Variants in PTCHD4 observed in about 807,000 individuals in gnomAD.
PTCHD4 encodes the protein patched domain containing 4.
In PTCHD4, 33 loss-of-function variants were observed where a neutral mutation model predicts 58.1. That is an observed-to-expected ratio of 0.57 (90% confidence interval 0.43 to 0.76). PTCHD4 has a LOEUF of 0.76. Ranked by LOEUF, PTCHD4 falls within the 30% of genes least tolerant of loss-of-function variation. PTCHD4 has a pLI of 0.00. For missense variants in PTCHD4, 1,058 were observed against 1,027.1 expected (o/e 1.03, Z -0.41); for synonymous variants, 478 against 409.6 (o/e 1.17, Z -2.02).
At chr6:47,925,527 A>G (rs1765581959) in intron 4 of PTCHD4, among the ~76,000 whole-genome samples, 1 of 152,168 alleles carries the variant, frequency 6.6e-6, no homozygotes, top group South Asian at 2.1e-4. Context: ...CATGCCATCA[A>G]AGCAAAGAGT....
At chr6:47,883,578 G>A (rs1321235154) in intron 4 of PTCHD4, among the ~76,000 whole-genome samples, 1 of 152,116 alleles carries the variant, frequency 6.6e-6, no homozygotes, top group Non-Finnish European at 1.5e-5. Context: ...TAATTAATAT[G>A]AAATAACTGT....
chr6:48,084,987 C>A (rs145682664), intron 1 of PTCHD4, among the ~76,000 whole-genome samples: 8 of 151,556 alleles, frequency 5.3e-5, no homozygotes. Flanking sequence ...CAGGCTATCC[C>A]CCTGCCTCGG....
rs542638409 is a variant in PTCHD4, at chr6:47,880,398, A to G, written c.899-462T>C. ...AGCTGATTTATATGCTGATTTAGGA[A>G]ATTATAAAAGTATGTTAAACACTTA... On this transcript the variant is annotated intron_variant, in intron 4 of 4. Transcript: ENST00000339488. 5.6e-4 allele frequency among the ~76,000 whole-genome samples: 85 copies of G among 152,268 alleles called. 2 individuals are homozygous for G. In the South Asian group the frequency reaches 0.017, roughly 30 times the overall value.
rs536677188 is a variant in PTCHD4 at position 48,091,942 on chromosome 6, G to A, written c.-970+19107C>T. Among the ~76,000 whole-genome samples, 41 of 151,864 alleles carry A rather than the reference G, an allele frequency of 2.7e-4. No individual in the cohort carries two copies. In the South Asian group the frequency reaches 7.1e-3, roughly 26 times the overall value. ...TAGCATTACAGGCATGAGCCACCAC[G>A]AGAAATTCTATTTTCTAAGATGCCC... On this transcript the variant is annotated intron_variant, in intron 1 of 4. Coordinates refer to ENST00000339488, the MANE Select transcript of PTCHD4 (RefSeq NM_001384253.1).
intron 1 of PTCHD4, among the ~76,000 whole-genome samples, chr6:48,103,037 G>A (rs1329979893): frequency 1.3e-5 from 2 of 152,216 alleles, no homozygotes; most frequent in African/African-American, 4.8e-5. Flanking sequence ...GCAGGGCACA[G>A]ACAAACAAAA....
intron 4 of PTCHD4, among the ~76,000 whole-genome samples, chr6:47,891,775 A>G (rs758067127): frequency 6.6e-6 from 1 of 151,952 alleles, no homozygotes; most frequent in Non-Finnish European, 1.5e-5. Context: ...CCTCATTGTA[A>G]TTAGTCAATA....
rs1214649971 is a variant in PTCHD4 at position 47,861,756 on chromosome 6, T to C, written c.*16547A>G. On this transcript the variant is annotated 3_prime_UTR_variant, in exon 5 of 5. Transcript: ENST00000339488. Reference sequence around the variant, plus strand: ...TGTTTCAGTGAAAGCAAATAGTTACTTTCTTCTTTTTATGAGACATTAAAG... The same window carrying C: ...TGTTTCAGTGAAAGCAAATAGTTACCTTCTTCTTTTTATGAGACATTAAAG... Among the ~76,000 whole-genome samples the C allele has an allele frequency of 6.6e-6, 1 of 151,962 alleles. No individual in the cohort carries two copies. Among genetic ancestry groups the C allele is most frequent in the Non-Finnish European group, 1.5e-5 (1 of 67,900 alleles).
chr6:48,049,096 G>A (rs942981019), intron 3 of PTCHD4, among the ~76,000 whole-genome samples: 5 of 151,972 alleles, frequency 3.3e-5, no homozygotes, highest in Non-Finnish European at 5.9e-5. Context: ...CATAGATCCA[G>A]AGCAGTGGTT....
At chr6:48,005,155 G>C (rs1035223510) in intron 4 of PTCHD4, among the ~76,000 whole-genome samples, 46 of 152,242 alleles carry the variant, frequency 3.0e-4, no homozygotes, top group African/African-American at 1.0e-3. Flanking sequence ...AATATTAAGT[G>C]GATGAATGAC....
chr6:47,887,549 G>A (rs1764230377), intron 4 of PTCHD4, among the ~76,000 whole-genome samples: 1 of 152,134 alleles, frequency 6.6e-6, no homozygotes, highest in Admixed American at 6.5e-5. Flanking sequence ...TGGGAAATTA[G>A]CATATTATTC....
intron 4 of PTCHD4, among the ~76,000 whole-genome samples, chr6:47,946,590 A>G (rs115275005): frequency 0.012 from 1,886 of 152,252 alleles, 35 homozygotes; most frequent in African/African-American, 0.041. Flanking sequence ...TTTAGGATGT[A>G]TATCTTATAA....
intron 4 of PTCHD4, among the ~76,000 whole-genome samples, chr6:47,951,640 T>C (rs1478185347): frequency 6.6e-6 from 1 of 152,166 alleles, no homozygotes; most frequent in Middle Eastern, 3.2e-3. Flanking sequence ...TTTTTGTATT[T>C]GTTTTGGTTC....
At chr6:48,064,616 C>A (rs1452047569) in intron 3 of PTCHD4, among the ~76,000 whole-genome samples, 1 of 151,832 alleles carries the variant, frequency 6.6e-6, no homozygotes, top group African/African-American at 2.4e-5. Flanking sequence ...CTGGAGAATA[C>A]AAAGAATACC....
intron 4 of PTCHD4, among the ~76,000 whole-genome samples, chr6:47,953,449 T>A (rs1285383313): frequency 2.0e-5 from 3 of 152,172 alleles, no homozygotes; most frequent in Non-Finnish European, 2.9e-5. Flanking sequence ...ATAGCTAATA[T>A]CACTCCTGAA....
chr6:47,977,115 T>C (rs1767721348), intron 4 of PTCHD4, among the ~76,000 whole-genome samples: 1 of 152,164 alleles, frequency 6.6e-6, no homozygotes, highest in Non-Finnish European at 1.5e-5. Flanking sequence ...GTGTACTCTG[T>C]TTTACCAATG....
intron 1 of PTCHD4, among the ~76,000 whole-genome samples, chr6:48,080,436 C>A (rs570452819): frequency 1.3e-5 from 2 of 152,272 alleles, no homozygotes; most frequent in East Asian, 1.9e-4. Context: ...TTCTGTGAGA[C>A]CTCATCTTTG....
At chr6:48,029,222 T>G (rs1414278997) in intron 3 of PTCHD4, among the ~76,000 whole-genome samples, 1 of 152,132 alleles carries the variant, frequency 6.6e-6, no homozygotes, top group Non-Finnish European at 1.5e-5. Flanking sequence ...TCACTACAGA[T>G]AGTTTTTTAC....
intron 4 of PTCHD4, among the ~76,000 whole-genome samples, chr6:47,978,693 C>T (rs1767779698): frequency 6.6e-6 from 1 of 152,118 alleles, no homozygotes; most frequent in South Asian, 2.1e-4. Flanking sequence ...ATCTTACTAT[C>T]CCAGTGATGG....
chr6:48,047,798 A>G (rs1764091167), intron 3 of PTCHD4, among the ~76,000 whole-genome samples: 1 of 151,850 alleles, frequency 6.6e-6, no homozygotes, highest in Admixed American at 6.6e-5. Context: ...TGGGGCCCAC[A>G]TCAGACCATG....
Sources: gnomAD v4.1 joint callset for allele counts (sites outside exome capture counted in the v4.1 genomes callset) on GRCh38, gnomAD v4.1.1 for gene constraint, MANE v1.5 for transcripts, NCBI Gene and HGNC (gene_info 2026-07-23, HGNC 2026-07-21) for gene names.